The following PDE7B variants were observed in gnomAD, a reference collection of about 807,000 sequenced individuals.
The protein encoded by PDE7B is 3',5'-cyclic-AMP phosphodiesterase 7B.
PDE7B carries 29 observed loss-of-function variants against 56.2 expected under a neutral mutation model. The ratio of observed to expected loss-of-function variants is 0.52; its 90% CI spans 0.38 to 0.70. PDE7B has a LOEUF of 0.70. Among genes scored for constraint, PDE7B ranks in the 30% least tolerant of loss-of-function variants. The pLI is 0.00. For synonymous variants in PDE7B, 197 were observed against 196.9 expected, an observed-to-expected ratio of 1.00 and a Z score of 0.00; for missense variants, 490 against 565.0, an observed-to-expected ratio of 0.87 and a Z score of 1.35.
At chr6:135,930,308 G>C (rs1406899430) in intron 1 of PDE7B, among the ~76,000 whole-genome samples, 1 of 152,110 alleles carries the variant, frequency 6.6e-6, no homozygotes, top group Non-Finnish European at 1.5e-5. Context: ...TCTCCCACTG[G>C]GTCCTTCCCA....
At chr6:136,042,584 T>C (rs1430706630) in intron 2 of PDE7B, among the ~76,000 whole-genome samples, 1 of 152,206 alleles carries the variant, frequency 6.6e-6, no homozygotes, top group African/African-American at 2.4e-5. Flanking sequence ...CCCATAGCCA[T>C]TGTAACGTCT....
At chr6:136,112,089 CA>C (rs1172644327) in intron 3 of PDE7B, among the ~76,000 whole-genome samples, 1 of 152,138 alleles carries the variant, frequency 6.6e-6, no homozygotes, top group African/African-American at 2.4e-5. Flanking sequence ...CTCCCCCACC[CA>C]CCTCAGTATA....
chr6:135,948,254 A>G (rs190984772), intron 2 of PDE7B, among the ~76,000 whole-genome samples: 34 of 152,156 alleles, frequency 2.2e-4, no homozygotes, highest in African/African-American at 8.2e-4. Context: ...AAGCCACTAA[A>G]CTATGTCCAA....
At chr6:136,122,082 G>A (rs924700960) in intron 3 of PDE7B, among the ~76,000 whole-genome samples, 1 of 151,738 alleles carries the variant, frequency 6.6e-6, no homozygotes, top group African/African-American at 2.4e-5. Flanking sequence ...TGCAAGCTCC[G>A]CCTCCCGGGT....
intron 1 of PDE7B, among the ~76,000 whole-genome samples, chr6:135,863,671 C>G (rs1279191982): frequency 6.7e-6 from 1 of 150,076 alleles, no homozygotes; most frequent in African/African-American, 2.5e-5. Flanking sequence ...GAAATTTTAC[C>G]ATAGTAAAAC....
intron 2 of PDE7B, among the ~76,000 whole-genome samples, chr6:135,973,523 AT>A (rs2128203227): frequency 6.6e-6 from 1 of 152,214 alleles, no homozygotes; most frequent in South Asian, 2.1e-4. Context: ...TTATAGTTCT[AT>A]TTTTAATGTT....
At chr6:136,021,844 C>T (rs1164146546) in intron 2 of PDE7B, among the ~76,000 whole-genome samples, 1 of 152,160 alleles carries the variant, frequency 6.6e-6, no homozygotes, top group Non-Finnish European at 1.5e-5. Flanking sequence ...TAGATCACAT[C>T]ACTCTTCTTC....
At chr6:135,864,372 G>A (rs930182103) in intron 1 of PDE7B, among the ~76,000 whole-genome samples, 24 of 151,898 alleles carry the variant, frequency 1.6e-4, no homozygotes, top group African/African-American at 5.8e-4. Context: ...GTCACATATA[G>A]GATTTCCTTT....
intron 2 of PDE7B, among the ~76,000 whole-genome samples, chr6:135,960,162 A>C (rs1774873858): frequency 6.6e-6 from 1 of 152,150 alleles, no homozygotes; most frequent in African/African-American, 2.4e-5. Flanking sequence ...AGACTGGTCT[A>C]CTTCCTAGGA....
At chr6:136,174,751 A>G (rs1447264119) in intron 9 of PDE7B, among the ~76,000 whole-genome samples, 3 of 152,106 alleles carry the variant, frequency 2.0e-5, no homozygotes, top group African/African-American at 7.2e-5. Context: ...ATTTGATCTC[A>G]TGCTGTTTCC....
At chr6:135,975,137 G>GTT (rs943713568) in intron 2 of PDE7B, among the ~76,000 whole-genome samples, 2 of 148,118 alleles carry the variant, frequency 1.4e-5, no homozygotes, top group African/African-American at 4.9e-5. Context: ...AACTCCAGTC[G>GTT]TTTTTTTTTT....
intron 2 of PDE7B, among the ~76,000 whole-genome samples, chr6:136,018,728 G>A (rs535765567): frequency 2.0e-5 from 3 of 151,884 alleles, no homozygotes; most frequent in Admixed American, 6.6e-5. Context: ...TAATAAATAC[G>A]TGTACAATTT....
At chr6:136,021,915 C>G (rs912780148) in intron 2 of PDE7B, among the ~76,000 whole-genome samples, 6 of 152,320 alleles carry the variant, frequency 3.9e-5, no homozygotes, top group African/African-American at 1.4e-4. Flanking sequence ...ATTCTCTAAT[C>G]TACATAGCCC....
At chr6:135,972,233 CAAAAAAAAAAAAAA>C (rs72005772) in intron 2 of PDE7B, among the ~76,000 whole-genome samples, 5 of 65,192 alleles carry the variant, frequency 7.7e-5, no homozygotes, top group Middle Eastern at 0.013. Context: ...AAACTGTTCT[CAAAAAAAAAAAAAA>C]AAAAAAAAAA....
chr6:136,057,409 C>T (rs1228339740), intron 2 of PDE7B, among the ~76,000 whole-genome samples: 1 of 152,150 alleles, frequency 6.6e-6, no homozygotes, highest in Non-Finnish European at 1.5e-5. Context: ...CAAACTCTCA[C>T]CCATTATACA....
chr6:135,874,053 T>A (rs1775442203), intron 1 of PDE7B, among the ~76,000 whole-genome samples: 1 of 152,166 alleles, frequency 6.6e-6, no homozygotes, highest in Non-Finnish European at 1.5e-5. Context: ...TGCTAGGGAA[T>A]GTGGGAGGAT....
At chr6:135,967,990 A>G (rs533632313) in intron 2 of PDE7B, among the ~76,000 whole-genome samples, 28 of 152,306 alleles carry the variant, frequency 1.8e-4, no homozygotes, top group African/African-American at 6.5e-4. Flanking sequence ...TACTGTGGCT[A>G]TTGAAGAAAG....
At chr6:136,089,672 A>C (rs1373935602) in intron 2 of PDE7B, among the ~76,000 whole-genome samples, 1 of 152,236 alleles carries the variant, frequency 6.6e-6, no homozygotes, top group Non-Finnish European at 1.5e-5. Context: ...TGCCAAAGTG[A>C]ACATTTTATG....
chr6:135,892,023 T>C (rs531270517), intron 1 of PDE7B, among the ~76,000 whole-genome samples: 7 of 152,266 alleles, frequency 4.6e-5, no homozygotes, highest in Admixed American at 4.6e-4. Flanking sequence ...TTTAATTATA[T>C]CCATATGGAT....
Sources: allele counts gnomAD v4.1 joint callset (sites outside exome capture counted in the v4.1 genomes callset), GRCh38; gene constraint gnomAD v4.1.1; transcripts MANE v1.5; gene names NCBI Gene and HGNC (gene_info 2026-07-23, HGNC 2026-07-21).